Variants in ARIH2 observed in about 807,000 individuals in gnomAD.
ARIH2 encodes the protein E3 ubiquitin-protein ligase ARIH2.
Under a neutral mutation model 79.8 loss-of-function variants are expected in ARIH2, and 12 were observed. That is an observed-to-expected ratio of 0.15 (90% CI 0.10 to 0.24). The LOEUF (loss-of-function observed/expected upper bound fraction) is 0.24. Ranked by LOEUF, ARIH2 falls within the 10% of genes least tolerant of loss-of-function variation. ARIH2 has a pLI of 1.00. For missense variants in ARIH2, 301 were observed against 618.3 expected, an observed-to-expected ratio of 0.49 and a Z score of 5.44; for synonymous variants, 224 against 213.9, an observed-to-expected ratio of 1.05 and a Z score of -0.41.
chr3:48,933,769 T>G (rs1263672573), intron 3 of ARIH2, among the ~76,000 whole-genome samples: 1 of 151,742 alleles, frequency 6.6e-6, no homozygotes, highest in Non-Finnish European at 1.5e-5. Context: ...GCCAGGATGG[T>G]CTCGATCTCC....
chr3:48,929,601 T>TTTTTTAG (rs1394476436), intron 3 of ARIH2, among the ~76,000 whole-genome samples: 1 of 152,202 alleles, frequency 6.6e-6, no homozygotes, highest in African/African-American at 2.4e-5. Flanking sequence ...TTTTAGGTTA[T>TTTTTTAG]GTACTGCAGT....
chr3:48,939,438 C>G (rs1043545071), intron 3 of ARIH2, among the ~76,000 whole-genome samples: 5 of 151,900 alleles, frequency 3.3e-5, no homozygotes, highest in Non-Finnish European at 7.4e-5. Context: ...ATGCATTTTC[C>G]TGACCCTTCT....
At chr3:48,953,759 T>G (rs2090264368) in intron 3 of ARIH2, among the ~76,000 whole-genome samples, 1 of 151,864 alleles carries the variant, frequency 6.6e-6, no homozygotes, top group Admixed American at 6.6e-5. Flanking sequence ...CGTAGTGGCG[T>G]GATCATGGCT....
chr3:48,978,483 A>ATATATATT (rs1288556209), intron 11 of ARIH2, among the ~76,000 whole-genome samples: 1 of 40,444 alleles, frequency 2.5e-5, no homozygotes, highest in African/African-American at 5.8e-5. Context: ...ATATATATAT[A>ATATATATT]TTTTTTTTTT....
At chr3:48,944,843 C>T (rs1298532299) in intron 3 of ARIH2, 3 of 309,676 alleles carry the variant, frequency 9.7e-6, no homozygotes, top group Admixed American at 4.4e-5. Context: ...CCACATCATC[C>T]CTTGTCCCCC....
At chr3:48,936,412 CT>C (rs2087126471) in intron 3 of ARIH2, among the ~76,000 whole-genome samples, 1 of 152,320 alleles carries the variant, frequency 6.6e-6, no homozygotes, top group Non-Finnish European at 1.5e-5. Flanking sequence ...AAACTTTAAA[CT>C]TTTATAAAGT....
rs1172916268 is a variant in ARIH2, at chr3:48,920,897, AAAAG to A, written c.-161-1843_-161-1840del. ...CCAGCAAGACTCTCAAAAAAAAAAA[AAAAG>A]AAAGAAAAGAAAAGAAATATTGTCC... On this transcript the variant is annotated intron_variant, in intron 1 of 15. Transcript: ENST00000356401. Among the ~76,000 whole-genome samples the A allele has an allele frequency of 8.3e-5, 6 of 72,496 alleles. 3 individuals carry two copies. Among genetic ancestry groups the A allele is most frequent in the Non-Finnish European group, 1.1e-4 (4 of 36,192 alleles). 47.6% of individuals were successfully genotyped at this position (72,496 alleles called of 152,430 possible). A position where few individuals can be genotyped will look rare whatever the true frequency, so the allele number is the denominator to read the frequency against.
At chr3:48,972,920 G>T (rs984808117) in intron 8 of ARIH2, among the ~76,000 whole-genome samples, 3 of 152,018 alleles carry the variant, frequency 2.0e-5, no homozygotes, top group African/African-American at 7.2e-5. Flanking sequence ...TCACCATATT[G>T]CCCAGGCTGG....
intron 3 of ARIH2, among the ~76,000 whole-genome samples, chr3:48,951,138 A>T (rs2089909512): frequency 6.6e-6 from 1 of 150,912 alleles, no homozygotes; most frequent in Non-Finnish European, 1.5e-5. Flanking sequence ...AATTTTTTGT[A>T]CTTTTTGTAG....
Position 48,959,515 on chromosome 3 carries a change from A to G in ARIH2, c.256-2097A>G, listed in dbSNP as rs559590058. 1.1e-3 allele frequency among the ~76,000 whole-genome samples: 168 copies of G among 151,390 alleles called. 1 individual carries two copies. Among genetic ancestry groups the G allele is most frequent in the African/African-American group, 3.7e-3 (152 of 41,354 alleles). On this transcript the variant is annotated intron_variant, in intron 3 of 15. Coordinates refer to ENST00000356401, the MANE Select transcript of ARIH2 (RefSeq NM_006321.4). ...TTTGGGAAACCTAGGCCTAGAGTCT[A>G]TGTGGGCCTCTGCAAGAAAATACTG...
chr3:48,982,765 T>C, intron 14 of ARIH2, 131 bp from the exon 15 acceptor site: 1 of 690,178 alleles, frequency 1.4e-6, no homozygotes. Flanking sequence ...TAACACTACT[T>C]TCTGAGGACA....
chr3:48,923,762 C>G (rs1448584383), intron 2 of ARIH2, among the ~76,000 whole-genome samples: 1 of 152,088 alleles, frequency 6.6e-6, no homozygotes, highest in African/African-American at 2.4e-5. Context: ...CTTAGGTGAT[C>G]CACCCGCCTC....
intron 3 of ARIH2, chr3:48,945,272 C>A: frequency 8.4e-7 from 1 of 1,188,032 alleles, no homozygotes; most frequent in Non-Finnish European, 1.1e-6. Flanking sequence ...ATGTTGTTAA[C>A]TTGTCCTTGA....
chr3:48,934,441 A>T, intron 3 of ARIH2: 1 of 985,162 alleles, frequency 1.0e-6, no homozygotes, highest in Non-Finnish European at 1.2e-6. Flanking sequence ...TGTTGTTGTT[A>T]TTATTGTTGC....
intron 8 of ARIH2, among the ~76,000 whole-genome samples, chr3:48,972,449 G>T (rs1298118407): frequency 6.6e-6 from 1 of 151,934 alleles, no homozygotes; most frequent in Non-Finnish European, 1.5e-5. Flanking sequence ...TCCAAGACTA[G>T]CCTGGCCAAC....
At chr3:48,921,097 T>C (rs1167845453) in intron 1 of ARIH2, among the ~76,000 whole-genome samples, 2 of 74,926 alleles carry the variant, frequency 2.7e-5, no homozygotes. Context: ...GCTGGGATTA[T>C]AGGCGCATGC....
At chr3:48,981,331 CAA>C (rs36083806) in intron 13 of ARIH2, among the ~76,000 whole-genome samples, 18 of 115,418 alleles carry the variant, frequency 1.6e-4, no homozygotes, top group African/African-American at 1.9e-4. Context: ...AACCTTGTTT[CAA>C]AAAAAAAAAA....
At chr3:48,961,723 C>G in intron 4 of ARIH2, 44 bp downstream of exon 4, 1 of 1,255,716 alleles carries the variant, frequency 8.0e-7, no homozygotes, top group Non-Finnish European at 1.2e-6. Context: ...CCATAGCTCC[C>G]CTCTCCGTGG....
Position 48,968,654 on chromosome 3 carries a change from A to C in ARIH2, c.659A>C (p.Glu220Ala). Residue 220 changes from glutamate (E) to alanine (A), a missense_variant and splice_region_variant, in exon 7 of 16, where the codon GAG becomes GCG. Glu to Ala is a moderately radical substitution (Grantham distance 107). Around this residue, in one of 2 missense-constraint regions of ARIH2, gnomAD observed 223 missense variants for 349.4 expected, o/e 0.64. Coordinates refer to ENST00000356401, the MANE Select transcript of ARIH2 (RefSeq NM_006321.4). ...YRRYLFRDYV[E>A]SHYQLQLCPG... ...CGCTACCTCTTCAGGGACTATGTGGAGGTATGGCCAGCCTTTGTTCTGCCC... is the reference window on the plus strand; with the variant it reads ...CGCTACCTCTTCAGGGACTATGTGGCGGTATGGCCAGCCTTTGTTCTGCCC... 6.2e-7 allele frequency: 1 copy of C among 1,606,930 alleles called. No homozygotes were observed. The highest frequency in any genetic ancestry group is 2.2e-5 in the East Asian group (1 of 44,566).
Sources: gnomAD v4.1 joint callset for allele counts (sites outside exome capture counted in the v4.1 genomes callset) on GRCh38, gnomAD v4.1.1 for gene constraint, gnomAD v4.1.1 regional missense constraint, MANE v1.5 for transcripts, NCBI Gene and HGNC (gene_info 2026-07-23, HGNC 2026-07-21) for gene names.